The following DOCK4 variants were observed in gnomAD, a reference collection of about 807,000 sequenced individuals.
The protein encoded by DOCK4 is dedicator of cytokinesis 4.
In DOCK4, 97 loss-of-function variants were observed where a neutral mutation model predicts 268.1. That is an observed-to-expected ratio of 0.36 (90% CI 0.31 to 0.43). The LOEUF (loss-of-function observed/expected upper bound fraction) is 0.43. DOCK4 is among the 20% of genes least tolerant of loss of function. The pLI is 1.00. For synonymous variants in DOCK4, 954 were observed against 887.2 expected (o/e 1.08, Z -1.34); for missense variants, 2,145 against 2,455.7 (o/e 0.87, Z 2.67).
At chr7:112,008,804 G>C (rs1801058815) in intron 1 of DOCK4, among the ~76,000 whole-genome samples, 1 of 152,186 alleles carries the variant, frequency 6.6e-6, no homozygotes, top group South Asian at 2.1e-4. Flanking sequence ...GATCAGCCTT[G>C]CTAACATGGC....
intron 25 of DOCK4, among the ~76,000 whole-genome samples, chr7:111,838,142 G>A (rs1803383473): frequency 7.9e-6 from 1 of 125,872 alleles, no homozygotes; most frequent in African/African-American, 3.0e-5. Context: ...TCGATATATA[G>A]ATTCAATGCA....
intron 52 of DOCK4, 41 bp from the exon 53 acceptor site, chr7:111,728,761 G>A (rs1381964686): frequency 1.9e-6 from 3 of 1,548,918 alleles, no homozygotes; most frequent in Non-Finnish European, 2.6e-6. Flanking sequence ...ACACAGCATT[G>A]AGTCGTGAAC....
chr7:112,032,005 G>A (rs1352562597), intron 1 of DOCK4, among the ~76,000 whole-genome samples: 2 of 152,110 alleles, frequency 1.3e-5, no homozygotes, highest in Non-Finnish European at 2.9e-5. Flanking sequence ...ATCTCCATAG[G>A]AACAAAGCTG....
chr7:112,052,967 C>G (rs1351854699), intron 1 of DOCK4, among the ~76,000 whole-genome samples: 2 of 152,160 alleles, frequency 1.3e-5, no homozygotes, highest in African/African-American at 4.8e-5. Context: ...TTCTAATTCA[C>G]CAAACTCCCC....
chr7:111,905,238 G>A (rs1257156092), intron 13 of DOCK4, among the ~76,000 whole-genome samples: 2 of 152,210 alleles, frequency 1.3e-5, no homozygotes, highest in Non-Finnish European at 2.9e-5. Flanking sequence ...GGGTAATTAA[G>A]AGAGAAACCA....
intron 1 of DOCK4, among the ~76,000 whole-genome samples, chr7:112,116,305 T>A (rs1812167087): frequency 1.3e-5 from 2 of 152,206 alleles, no homozygotes; most frequent in Non-Finnish European, 2.9e-5. Context: ...TGGCATAATG[T>A]TTTCAACGTT....
At chr7:111,995,433 G>GTGTGTGTGTGTT (rs1156491245) in intron 4 of DOCK4, among the ~76,000 whole-genome samples, 85 of 90,490 alleles carry the variant, frequency 9.4e-4, no homozygotes, top group African/African-American at 4.4e-3. Context: ...GTGTGTGTGT[G>GTGTGTGTGTGTT]TGTGTGTGTG....
At chr7:111,944,706 T>A in intron 10 of DOCK4, 105 bp downstream of exon 10, 1 of 1,138,872 alleles carries the variant, frequency 8.8e-7, no homozygotes, top group Non-Finnish European at 1.3e-6. Flanking sequence ...CTGGCTTTGA[T>A]ATCTTTCTGA....
chr7:112,053,209 G>GC (rs371901508), intron 1 of DOCK4, among the ~76,000 whole-genome samples: 60 of 152,330 alleles, frequency 3.9e-4, no homozygotes, highest in African/African-American at 1.3e-3. Flanking sequence ...TTGGCCACAT[G>GC]CAAGACCTTG....
At chr7:111,908,799 G>A (rs1047326386) in intron 13 of DOCK4, among the ~76,000 whole-genome samples, 1 of 151,882 alleles carries the variant, frequency 6.6e-6, no homozygotes, top group Non-Finnish European at 1.5e-5. Context: ...GTTAGTTCCT[G>A]TGTTAGTTTG....
rs533933419 is a variant in DOCK4, at chr7:111,790,318, G to A, written c.3315+139C>T. On this transcript the variant is annotated intron_variant, in intron 31 of 52. Transcript: ENST00000428084. ...AGAAGTATCCACGGCTGTGTGGCTT[G>A]GGAGTGGATAGGCCAGGCTGGAATC... 3.3e-6 allele frequency: 3 copies of A among 913,494 alleles called. No homozygotes were observed. In the South Asian group the frequency reaches 5.3e-5, roughly 16 times the overall value. 56.6% of individuals were successfully genotyped at this position (913,494 alleles called of 1,614,324 possible).
chr7:111,830,445 C>CAAAACA (rs1554606449), intron 26 of DOCK4, among the ~76,000 whole-genome samples: 2 of 151,276 alleles, frequency 1.3e-5, no homozygotes, highest in African/African-American at 2.4e-5. Flanking sequence ...CAAAACAAAA[C>CAAAACA]AAAAAAAACA....
chr7:112,052,284 G>GTA (rs1184547403), intron 1 of DOCK4, among the ~76,000 whole-genome samples: 25 of 152,124 alleles, frequency 1.6e-4, no homozygotes, highest in African/African-American at 6.0e-4. Flanking sequence ...ATGTGTGTGT[G>GTA]TATATACATA....
chr7:111,863,322 T>C lies in DOCK4; in HGVS notation c.2473+50A>G, dbSNP rs531182589. 6.9e-6 allele frequency: 11 copies of C among 1,605,504 alleles called. No homozygotes were observed. The African/African-American group carries it at 8.0e-5, about 12-fold the overall frequency. The stretch of plus-strand genomic sequence containing the variant: ...TCTGCTGACCAATGGCTACAAAATA[T>C]ACAAAATGGCTTTTCAGAGGCACAA... On this transcript the variant is annotated intron_variant, in intron 23 of 52. Coordinates refer to ENST00000428084, the MANE Select transcript of DOCK4 (RefSeq NM_001363540.2).
intron 41 of DOCK4, among the ~76,000 whole-genome samples, chr7:111,757,449 G>A (rs927437053): frequency 6.6e-6 from 1 of 152,154 alleles, no homozygotes; most frequent in African/African-American, 2.4e-5. Flanking sequence ...ACTGCAAGAA[G>A]AACTATATCA....
At chr7:111,767,476 C>T (rs1225122033) in intron 37 of DOCK4, among the ~76,000 whole-genome samples, 2 of 152,056 alleles carry the variant, frequency 1.3e-5, no homozygotes, top group African/African-American at 2.4e-5. Flanking sequence ...CCACCCGCCT[C>T]GGCCTCCCAA....
At chr7:111,781,459 A>T (rs758432423) in intron 35 of DOCK4, among the ~76,000 whole-genome samples, 1 of 152,202 alleles carries the variant, frequency 6.6e-6, no homozygotes, top group Non-Finnish European at 1.5e-5. Flanking sequence ...AGAAATGAGT[A>T]CTGAGAGCAG....
intron 1 of DOCK4, among the ~76,000 whole-genome samples, chr7:112,097,701 C>G (rs780303826): frequency 1.3e-5 from 2 of 152,190 alleles, no homozygotes; most frequent in Non-Finnish European, 2.9e-5. Context: ...AATGACCACA[C>G]AGGTGTGTGT....
intron 49 of DOCK4, among the ~76,000 whole-genome samples, chr7:111,738,667 G>A (rs1563431574): frequency 3.3e-5 from 5 of 152,212 alleles, no homozygotes. Context: ...GCCGGGAGTG[G>A]TGGCTCATGC....
Sources: allele counts gnomAD v4.1 joint callset (sites outside exome capture counted in the v4.1 genomes callset), GRCh38; gene constraint gnomAD v4.1.1; transcripts MANE v1.5; gene names NCBI Gene and HGNC (gene_info 2026-07-23, HGNC 2026-07-21).